The following BRCA2 variants were observed in gnomAD, a reference collection of about 807,000 sequenced individuals.
BRCA2 encodes the protein BRCA2 DNA repair associated.
In BRCA2, 203 loss-of-function variants were observed where a neutral mutation model predicts 276.7. The ratio of observed to expected loss-of-function variants is 0.73; its 90% CI spans 0.65 to 0.82. The LOEUF (loss-of-function observed/expected upper bound fraction) is 0.82, where lower values mean the gene tolerates loss of function less well. BRCA2 is among the 40% of genes least tolerant of loss of function. The pLI is 0.00. For synonymous variants in BRCA2, 1,289 were observed against 1,338.4 expected (o/e 0.96, Z 0.81); for missense variants, 3,920 against 3,915.0 (o/e 1.00, Z -0.03).
In BRCA2 at chr13:32,341,064, G is replaced by C. The variant is rs1174104045; in HGVS notation, c.6709G>C (p.Asp2237His). 2 of 1,613,944 alleles carry C rather than the reference G, an allele frequency of 1.2e-6. No individual in the cohort carries two copies. Among genetic ancestry groups the C allele is most frequent in the Admixed American group, 3.3e-5 (2 of 60,020 alleles). Residue 2237 changes from aspartate to histidine, a missense_variant, in exon 11 of 27, where the codon GAT (aspartate) becomes CAT (histidine). Transcript: ENST00000380152. ...AGAAATTGCTAAAGCTTTTATGGAA[G>C]ATGATGAACTGACAGATTCTAAACT... Reference protein sequence around the residue: ...AVEIAKAFMEDDELTDSKLPS... With the variant: ...AVEIAKAFMEHDELTDSKLPS...
chr13:32,349,130 A>G (rs1006973504), intron 13 of BRCA2, among the ~76,000 whole-genome samples: 1 of 151,458 alleles, frequency 6.6e-6, no homozygotes, highest in Non-Finnish European at 1.5e-5. Context: ...GCTGAGGCAC[A>G]AGAACCGCTT....
intron 3 of BRCA2, among the ~76,000 whole-genome samples, chr13:32,322,511 G>A (rs1297239413): frequency 2.0e-5 from 3 of 152,218 alleles, no homozygotes; most frequent in African/African-American, 7.2e-5. Flanking sequence ...GTTATCTGCA[G>A]CAGGAGAATG....
At chr13:32,343,146 A>G (rs959751446) in intron 11 of BRCA2, among the ~76,000 whole-genome samples, 1 of 152,136 alleles carries the variant, frequency 6.6e-6, no homozygotes, top group African/African-American at 2.4e-5. Context: ...TATGTGGCAA[A>G]TGACTGCATT....
rs80358752 is a variant in BRCA2, at chr13:32,339,637, G to A, written c.5282G>A (p.Gly1761Glu). 9.9e-6 allele frequency: 16 copies of A among 1,612,146 alleles called. No individual in the cohort carries two copies. Among genetic ancestry groups the A allele is most frequent in the African/African-American group, 1.3e-5 (1 of 74,922 alleles). The change falls in exon 11 of 27, where the codon GGA becomes GAA. Residue 1761 changes from glycine (G) to glutamate (E), a missense_variant. Physicochemically the swap from Gly to Glu is moderately conservative, Grantham distance 98. Coordinates refer to ENST00000380152, the MANE Select transcript of BRCA2 (RefSeq NM_000059.4). The stretch of plus-strand genomic sequence containing the variant: ...TCTGATGAGGTATATAATGATTCAG[G>A]ATATCTCTCAAAAAATAAACTTGAT... ...YHSDEVYNDS[G>E]YLSKNKLDSG...
intron 17 of BRCA2, 133 bp from the exon 18 acceptor site, chr13:32,363,046 G>C: frequency 1.2e-6 from 1 of 805,276 alleles, no homozygotes; most frequent in Non-Finnish European, 1.9e-6. Flanking sequence ...TATATTCCTA[G>C]CTACAAAATT....
At position 32,370,498 on chromosome 13, in the gene BRCA2, A is replaced by G. The variant is rs80359089; in HGVS notation, c.8428A>G (p.Ser2810Gly). The G allele has an allele frequency of 6.2e-6, 10 of 1,613,856 alleles. No individual in the cohort carries two copies. The highest frequency in any genetic ancestry group is 1.3e-5 in the African/African-American group (1 of 74,878). ...PFPLPLSSLF[S>G]DGGNVGCVDV... ...TCCTCTGCCCTTATCATCGCTTTTCAGTGATGGAGGAAATGTTGGTTGTGT... is the reference window on the plus strand; with the variant it reads ...TCCTCTGCCCTTATCATCGCTTTTCGGTGATGGAGGAAATGTTGGTTGTGT... The change falls in exon 19 of 27, where the codon AGT becomes GGT. Residue 2810 changes from serine to glycine, a missense_variant. Physicochemically the swap from Ser to Gly is moderately conservative, Grantham distance 56 (BLOSUM62 0). Transcript: ENST00000380152.
chr13:32,366,801 G>A (rs1043524910), intron 18 of BRCA2, among the ~76,000 whole-genome samples: 2 of 145,006 alleles, frequency 1.4e-5, no homozygotes, highest in African/African-American at 2.6e-5. Context: ...CAGCCTGGGC[G>A]ACAAAGTGAG....
rs80358915 is a variant in BRCA2, at chr13:32,344,617, G to A, written c.6901G>A (p.Glu2301Lys). ...ATTTGACAGGATAATAGAAAATCAA[G>A]AAAAATCCTTAAAGGCTTCAAAAAG... ...NEFDRIIENQ[E>K]KSLKASKSTP... Residue 2301 changes from glutamate (E) to lysine (K), a missense_variant, in exon 12 of 27, where the codon GAA (glutamate) becomes AAA (lysine). Glu to Lys is a moderately conservative substitution (Grantham distance 56). Coordinates refer to ENST00000380152, the MANE Select transcript of BRCA2 (RefSeq NM_000059.4). The A allele has an allele frequency of 1.3e-6, 2 of 1,583,276 alleles. No individual in the cohort carries two copies. Among genetic ancestry groups the A allele is most frequent in the Non-Finnish European group, 1.7e-6 (2 of 1,152,654 alleles).
chr13:32,355,860 A>C (rs1469237867), intron 14 of BRCA2, among the ~76,000 whole-genome samples: 1 of 151,846 alleles, frequency 6.6e-6, no homozygotes, highest in Non-Finnish European at 1.5e-5. Context: ...AGCCTGGGCA[A>C]CAAGAGTGAA....
chr13:32,374,208 T>C (rs2072855920), intron 20 of BRCA2, among the ~76,000 whole-genome samples: 1 of 152,258 alleles, frequency 6.6e-6, no homozygotes, highest in Non-Finnish European at 1.5e-5. Flanking sequence ...TCAAGGCCTG[T>C]GATAGAAGGG....
intron 3 of BRCA2, among the ~76,000 whole-genome samples, chr13:32,323,288 G>A (rs1391637636): frequency 1.3e-5 from 2 of 151,934 alleles, no homozygotes; most frequent in Non-Finnish European, 2.9e-5. Flanking sequence ...GAGTAGCTGG[G>A]ACTACAGGCA....
intron 24 of BRCA2, among the ~76,000 whole-genome samples, chr13:32,392,129 A>T (rs556620484): frequency 1.3e-5 from 2 of 152,244 alleles, no homozygotes; most frequent in Non-Finnish European, 2.9e-5. Context: ...ATTAAGATCC[A>T]TTAAATAAAT....
At position 32,337,034 on chromosome 13, in the gene BRCA2, A is replaced by C. The variant is rs786203640; in HGVS notation, c.2679A>C (p.Gln893His). The C allele has an allele frequency of 6.3e-7, 1 of 1,598,016 alleles. No homozygotes were observed. Among genetic ancestry groups the C allele is most frequent in the South Asian group, 1.2e-5 (1 of 86,740 alleles). The change falls in exon 11 of 27, where the codon CAA becomes CAC. Residue 893 changes from glutamine (Q) to histidine (H), a missense_variant. Coordinates refer to ENST00000380152, the MANE Select transcript of BRCA2 (RefSeq NM_000059.4). ...ACAATGAGAATAATTTTGTCTTCCA[A>C]GTAGCTAATGAAAGGAATAATCTTG... ...FSDNENNFVFQVANERNNLAL... is the reference protein window; with the variant it reads ...FSDNENNFVFHVANERNNLAL...
intron 20 of BRCA2, among the ~76,000 whole-genome samples, chr13:32,371,586 A>G (rs1398246079): frequency 3.9e-5 from 6 of 152,110 alleles, no homozygotes; most frequent in Non-Finnish European, 8.8e-5. Context: ...CTATAGAACT[A>G]TAAGTTACAT....
chr13:32,320,836 A>G (rs1045425383), intron 3 of BRCA2, among the ~76,000 whole-genome samples: 7 of 152,208 alleles, frequency 4.6e-5, no homozygotes, highest in African/African-American at 1.4e-4. Flanking sequence ...GTCTTTGGAG[A>G]TAACGTTTTT....
intron 21 of BRCA2, among the ~76,000 whole-genome samples, chr13:32,377,622 G>A (rs933787487): frequency 1.2e-4 from 18 of 150,608 alleles, no homozygotes; most frequent in African/African-American, 3.4e-4. Flanking sequence ...TTAAATGGGC[G>A]TAAAATGTTG....
In BRCA2 at chr13:32,338,818, A is replaced by C. The variant is rs1335405008; in HGVS notation, c.4463A>C (p.His1488Pro). Residue 1488 changes from histidine to proline, a missense_variant, in exon 11 of 27, where the codon CAC (histidine) becomes CCC (proline). His to Pro is a moderately conservative substitution (Grantham distance 77). This residue lies in a region of BRCA2 where 3,263 missense variants were observed against 3,156.9 expected (regional missense o/e 1.03). Coordinates refer to ENST00000380152, the MANE Select transcript of BRCA2 (RefSeq NM_000059.4). ...LSYEETDIVKHKILKESVPVG... is the reference protein window; with the variant it reads ...LSYEETDIVKPKILKESVPVG... ...TATGAGGAAACAGACATAGTTAAAC[A>C]CAAAATACTGAAAGAAAGTGTCCCA... is the stretch of plus-strand genomic sequence containing the variant. 1.9e-6 allele frequency: 3 copies of C among 1,613,876 alleles called. No individual in the cohort carries two copies. Among genetic ancestry groups the C allele is most frequent in the Non-Finnish European group, 2.5e-6 (3 of 1,179,862 alleles).
intron 7 of BRCA2, among the ~76,000 whole-genome samples, chr13:32,327,175 C>T (rs1427974459): frequency 6.6e-6 from 1 of 152,180 alleles, no homozygotes; most frequent in African/African-American, 2.4e-5. Context: ...AGGCTGGTTG[C>T]AGTGGCTCAC....
At chr13:32,325,020 T>A (rs2072333118) in intron 3 of BRCA2, 56 bp from the exon 4 acceptor site, 1 of 1,260,992 alleles carries the variant, frequency 7.9e-7, no homozygotes, top group Non-Finnish European at 1.2e-6. Context: ...TTCCAAAGAA[T>A]GCAAATTTAT....
Sources: gnomAD v4.1 joint callset for allele counts (sites outside exome capture counted in the v4.1 genomes callset) on GRCh38, gnomAD v4.1.1 for gene constraint, gnomAD v4.1.1 regional missense constraint, MANE v1.5 for transcripts, NCBI Gene and HGNC (gene_info 2026-07-23, HGNC 2026-07-21) for gene names.